SYNDIG1L: variants seen among roughly 807,000 people sequenced by gnomAD.
SYNDIG1L encodes the protein synapse differentiation inducing 1 like, also known as synapse differentiation-inducing gene protein 1-like.
Under a neutral mutation model 20.1 loss-of-function variants are expected in SYNDIG1L, and 13 were observed. The ratio of observed to expected loss-of-function variants is 0.65; its 90% CI spans 0.42 to 1.03. SYNDIG1L has a LOEUF of 1.03. Among genes scored for constraint, SYNDIG1L ranks in the 50% least tolerant of loss-of-function variants. The pLI is 0.00. For synonymous variants in SYNDIG1L, 128 were observed against 129.3 expected (o/e 0.99, Z 0.07); for missense variants, 294 against 305.1 (o/e 0.96, Z 0.27).
At chr14:74,471,721 G>A in the SYNDIG1L span, among the ~76,000 whole-genome samples, 1 of 152,098 alleles carries the variant, frequency 6.6e-6, no homozygotes, top group Non-Finnish European at 1.5e-5. Flanking sequence ...GTGCACCCAG[G>A]GCATTGTGCA....
chr14:74,442,996 C>A, the SYNDIG1L span, among the ~76,000 whole-genome samples: 1 of 152,172 alleles, frequency 6.6e-6, no homozygotes, highest in Non-Finnish European at 1.5e-5. Flanking sequence ...CTGAAACATT[C>A]AAGCTGAGTT....
chr14:74,438,433 T>C, the SYNDIG1L span, among the ~76,000 whole-genome samples: 3 of 151,966 alleles, frequency 2.0e-5, no homozygotes, highest in Non-Finnish European at 4.4e-5. Context: ...TGGCAGGGAG[T>C]TGGCGGCAGG....
chr14:74,428,542 A>G (rs2086282557), upstream of SYNDIG1L, among the ~76,000 whole-genome samples: 1 of 152,234 alleles, frequency 6.6e-6, no homozygotes, highest in South Asian at 2.1e-4. Flanking sequence ...CATGTTGACC[A>G]GCAATTCCAA....
chr14:74,476,488 A>C, the SYNDIG1L span: 1 of 1,529,506 alleles, frequency 6.5e-7, no homozygotes, highest in Middle Eastern at 1.7e-4. Flanking sequence ...CTGACATGCC[A>C]CGTCTGCTCC....
the SYNDIG1L span, among the ~76,000 whole-genome samples, chr14:74,455,812 C>T: frequency 2.6e-5 from 4 of 152,146 alleles, no homozygotes; most frequent in Admixed American, 6.5e-5. Context: ...CCTTCTTTAC[C>T]GCAGTTCTGA....
chr14:74,429,201 G>A (rs2086286749), upstream of SYNDIG1L, among the ~76,000 whole-genome samples: 1 of 152,196 alleles, frequency 6.6e-6, no homozygotes, highest in African/African-American at 2.4e-5. Flanking sequence ...GAGGTAGCAA[G>A]CATCCTCGCT....
At chr14:74,436,723 G>A in the SYNDIG1L span, among the ~76,000 whole-genome samples, 9 of 151,952 alleles carry the variant, frequency 5.9e-5, no homozygotes, top group East Asian at 3.9e-4. Flanking sequence ...GGTGGGACGC[G>A]CCTGCAATCC....
chr14:74,472,096 A>T, the SYNDIG1L span: 1 of 152,220 alleles, frequency 6.6e-6, no homozygotes, highest in Non-Finnish European at 1.5e-5. Flanking sequence ...CTGGCATACT[A>T]TCTTACACCC....
chr14:74,439,547 A>T, the SYNDIG1L span, among the ~76,000 whole-genome samples: 1 of 152,144 alleles, frequency 6.6e-6, no homozygotes, highest in Non-Finnish European at 1.5e-5. Flanking sequence ...CTGTGAAATG[A>T]TGTATATTTA....
chr14:74,408,061 TA>T (rs1566580709), intron 2 of SYNDIG1L, 72 bp from the exon 3 acceptor site: 3 of 1,499,920 alleles, frequency 2.0e-6, no homozygotes, highest in Non-Finnish European at 1.8e-6. Flanking sequence ...AGAGGTTTTT[TA>T]AAAGGCAATG....
At chr14:74,411,673 C>T (rs990073584) in intron 1 of SYNDIG1L, among the ~76,000 whole-genome samples, 2 of 152,108 alleles carry the variant, frequency 1.3e-5, no homozygotes, top group African/African-American at 2.4e-5. Context: ...CAGACCTGGA[C>T]GAAGACACTG....
chr14:74,432,142 T>G, the SYNDIG1L span, among the ~76,000 whole-genome samples: 3 of 104,030 alleles, frequency 2.9e-5, no homozygotes, highest in Admixed American at 2.0e-4. Context: ...CCTTGGAAGG[T>G]GTGTGTGTGT....
chr14:74,410,421 C>T (rs970518992), intron 1 of SYNDIG1L, among the ~76,000 whole-genome samples: 2 of 152,106 alleles, frequency 1.3e-5, no homozygotes, highest in African/African-American at 4.8e-5. Flanking sequence ...TGGAGGTGTG[C>T]GATGGGGTGT....
chr14:74,414,599 G>A (rs1595195931), intron 1 of SYNDIG1L, among the ~76,000 whole-genome samples: 1 of 152,088 alleles, frequency 6.6e-6, no homozygotes, highest in South Asian at 2.1e-4. Context: ...GTGTGACATT[G>A]GTTCATTTAT....
the SYNDIG1L span, among the ~76,000 whole-genome samples, chr14:74,436,087 C>T: frequency 6.6e-6 from 1 of 152,116 alleles, no homozygotes. Context: ...AGATATTGCT[C>T]TGGCCAGCAA....
chr14:74,463,513 TGTC>T, the SYNDIG1L span, among the ~76,000 whole-genome samples: 1 of 152,184 alleles, frequency 6.6e-6, no homozygotes, highest in Admixed American at 6.5e-5. Context: ...CTCTTCCCAC[TGTC>T]GTCAGTTCAG....
chr14:74,432,193 G>A, the SYNDIG1L span, among the ~76,000 whole-genome samples: 2 of 151,630 alleles, frequency 1.3e-5, no homozygotes, highest in Non-Finnish European at 2.9e-5. Flanking sequence ...GAGAGAGAGA[G>A]AGAGAGAAAG....
At chr14:74,477,989 T>C in the SYNDIG1L span, among the ~76,000 whole-genome samples, 2 of 152,228 alleles carry the variant, frequency 1.3e-5, no homozygotes, top group African/African-American at 2.4e-5. Flanking sequence ...GCAGGCTTCA[T>C]GTAGCCCCGC....
At position 74,409,563 on chromosome 14, in the gene SYNDIG1L, T is replaced by G. The variant is rs1354909529; in HGVS notation, c.182A>C (p.Gln61Pro). 1.3e-6 allele frequency: 2 copies of G among 1,532,322 alleles called. No homozygotes were observed. Among genetic ancestry groups the G allele is most frequent in the Non-Finnish European group, 8.8e-7 (1 of 1,140,680 alleles). 94.9% of individuals were successfully genotyped at this position (1,532,322 alleles called of 1,614,324 possible). A position where few individuals can be genotyped will look rare whatever the true frequency, so the allele number is the denominator to read the frequency against. Reference protein sequence around the residue: ...AHQLLDPGSLQLAVEAWYRPS... With the variant: ...AHQLLDPGSLPLAVEAWYRPS... ...CCGGTACCAGGCCTCCACGGCCAGC[T>G]GCAGGGACCCTGGGTCCAGGAGCTG... Residue 61 changes from glutamine (Q) to proline (P), a missense_variant, in exon 2 of 4, where the codon CAG becomes CCG. By Grantham distance (76) the Gln-to-Pro change is moderately conservative. Coordinates refer to ENST00000331628, the MANE Select transcript of SYNDIG1L (RefSeq NM_001105579.2).
Sources: allele counts gnomAD v4.1 joint callset (sites outside exome capture counted in the v4.1 genomes callset), GRCh38; gene constraint gnomAD v4.1.1; transcripts MANE v1.5; gene names NCBI Gene and HGNC (gene_info 2026-07-23, HGNC 2026-07-21).